The following XPO4 variants were observed in gnomAD, a reference collection of about 807,000 sequenced individuals.
XPO4 encodes the protein exportin-4.
In XPO4, 39 loss-of-function variants were observed where a neutral mutation model predicts 143.0. The ratio of observed to expected loss-of-function variants is 0.27; its 90% CI spans 0.21 to 0.36. The LOEUF (loss-of-function observed/expected upper bound fraction) is 0.36. XPO4 is among the 10% of genes least tolerant of loss of function. The pLI is 1.00. For synonymous variants in XPO4, 439 were observed against 474.0 expected (o/e 0.93, Z 0.96); for missense variants, 907 against 1,348.0 (o/e 0.67, Z 5.12).
chr13:20,888,235 G>C (rs1237380184), intron 1 of XPO4, among the ~76,000 whole-genome samples: 3 of 149,498 alleles, frequency 2.0e-5, no homozygotes, highest in East Asian at 3.9e-4. Flanking sequence ...TGATATGGAA[G>C]AGAGAGGCAA....
intron 1 of XPO4, among the ~76,000 whole-genome samples, chr13:20,874,627 G>A (rs533887398): frequency 3.3e-5 from 5 of 152,144 alleles, no homozygotes; most frequent in South Asian, 2.1e-4. Flanking sequence ...AGGATAACAC[G>A]GCTAGAAGGC....
chr13:20,800,062 C>A, intron 15 of XPO4, 94 bp downstream of exon 15: 1 of 1,407,708 alleles, frequency 7.1e-7, no homozygotes, highest in Non-Finnish European at 9.6e-7. Context: ...GACCGTGTAA[C>A]CATTTGCCAG....
At chr13:20,869,564 A>C (rs1440303994) in intron 1 of XPO4, 1 of 871,748 alleles carries the variant, frequency 1.1e-6, no homozygotes, top group Non-Finnish European at 1.4e-6. Context: ...AATCTAGATG[A>C]TGAAAAATGT....
chr13:20,809,722 A>C, intron 10 of XPO4, 69 bp downstream of exon 10: 1 of 1,464,802 alleles, frequency 6.8e-7, no homozygotes, highest in South Asian at 1.6e-5. Context: ...GCATTATATA[A>C]TGTGTAACAT....
chr13:20,788,695 A>G, intron 19 of XPO4, 79 bp from the exon 20 acceptor site: 1 of 1,302,670 alleles, frequency 7.7e-7, no homozygotes, highest in South Asian at 1.6e-5. Context: ...AAATAAAGTA[A>G]CTGACAAGCT....
rs1297648343 is a variant in XPO4, at chr13:20,803,709, T to A, written c.1818-2719A>T. Among the ~76,000 whole-genome samples, 1 of 151,780 alleles carries A rather than the reference T, an allele frequency of 6.6e-6. No homozygotes were observed. The highest frequency in any genetic ancestry group is 1.9e-4 in the East Asian group (1 of 5,172). ...CAACCTCCCTGCCTCTCCACCCTCA[T>A]CCCCCCACCAAAGCTATCGCCCTGC... On this transcript the variant is annotated intron_variant, in intron 13 of 22. Transcript: ENST00000255305. This position sits in a 1 kb window ranked among gnomAD's most constrained non-coding sequence, Gnocchi z 4.1.
intron 1 of XPO4, among the ~76,000 whole-genome samples, chr13:20,899,362 A>G (rs2060598549): frequency 6.6e-6 from 1 of 151,490 alleles, no homozygotes; most frequent in African/African-American, 2.4e-5. Context: ...AAAAAAAAAA[A>G]GAGTAAAGGT....
chr13:20,789,304 G>A (rs940176583), intron 19 of XPO4, among the ~76,000 whole-genome samples: 1 of 152,014 alleles, frequency 6.6e-6, no homozygotes, highest in African/African-American at 2.4e-5. Context: ...CAAGGAGGGG[G>A]AAGCACACGG....
intron 9 of XPO4, among the ~76,000 whole-genome samples, chr13:20,812,734 A>G (rs150517578): frequency 2.2e-4 from 34 of 152,328 alleles, no homozygotes; most frequent in African/African-American, 7.5e-4. Flanking sequence ...AGTTCTGACA[A>G]ATGTACCATG....
intron 19 of XPO4, among the ~76,000 whole-genome samples, chr13:20,788,900 G>C (rs960592450): frequency 6.6e-6 from 1 of 152,066 alleles, no homozygotes; most frequent in South Asian, 2.1e-4. Flanking sequence ...GTGTTTACCC[G>C]GAAAAAGTAA....
chr13:20,866,173 A>C (rs2060243243), intron 2 of XPO4: 1 of 985,276 alleles, frequency 1.0e-6, no homozygotes, highest in African/African-American at 1.7e-5. Context: ...AAGACTTCTG[A>C]AGTGAAGAAG....
chr13:20,887,943 G>C (rs1399317240), intron 1 of XPO4, among the ~76,000 whole-genome samples: 5 of 151,940 alleles, frequency 3.3e-5, no homozygotes, highest in Admixed American at 1.3e-4. Context: ...GGGAGGCTGA[G>C]ACAGGTGAAT....
intron 1 of XPO4, 160 bp downstream of exon 1, chr13:20,902,510 G>A (rs1294222001): frequency 5.1e-6 from 5 of 985,286 alleles, no homozygotes; most frequent in African/African-American, 3.5e-5. Flanking sequence ...AGGAAAGTAG[G>A]CTGAAGAATC....
intron 1 of XPO4, among the ~76,000 whole-genome samples, chr13:20,901,894 A>AACTG (rs1419971525): frequency 6.6e-6 from 1 of 152,252 alleles, no homozygotes; most frequent in Admixed American, 6.5e-5. Flanking sequence ...ACTGTTTACT[A>AACTG]ACTGAACGTA....
At chr13:20,859,992 G>A (rs1260511796) in intron 3 of XPO4, 2 of 275,704 alleles carry the variant, frequency 7.3e-6, no homozygotes, top group Non-Finnish European at 5.5e-6. Context: ...AAAAAGAACC[G>A]CTCTAGTTGA....
chr13:20,848,869 T>C lies in XPO4; in HGVS notation c.457-4983A>G, dbSNP rs142709248. 57 of 985,274 alleles carry C rather than the reference T, an allele frequency of 5.8e-5. No homozygotes were observed. In the African/African-American group the frequency reaches 9.2e-4, roughly 16 times the overall value. 61.0% of individuals were successfully genotyped at this position (985,274 alleles called of 1,614,324 possible). On this transcript the variant is annotated intron_variant, in intron 4 of 22. Transcript: ENST00000255305. Reference sequence around the variant, plus strand: ...AGACAATGCAATGAGGTGTCAAAGTTATAAAAAAAAGTCTAATTGTCTTCT... The same window carrying C: ...AGACAATGCAATGAGGTGTCAAAGTCATAAAAAAAAGTCTAATTGTCTTCT...
At chr13:20,813,331 T>G (rs1431561835) in intron 9 of XPO4, among the ~76,000 whole-genome samples, 1 of 152,098 alleles carries the variant, frequency 6.6e-6, no homozygotes, top group East Asian at 1.9e-4. Context: ...ATATATAGAC[T>G]TTCTACAAAT....
intron 1 of XPO4, 46 bp downstream of exon 1, chr13:20,902,624 C>T (rs2060632781): frequency 1.3e-6 from 2 of 1,510,396 alleles, no homozygotes; most frequent in African/African-American, 1.4e-5. Context: ...GCAGGGCCGA[C>T]CGGGGGCCCG....
intron 12 of XPO4, among the ~76,000 whole-genome samples, 171 bp downstream of exon 12, chr13:20,808,265 T>G (rs544255306): frequency 6.6e-6 from 1 of 152,348 alleles, no homozygotes; most frequent in East Asian, 1.9e-4. Context: ...ACTGCATACA[T>G]ATTAGCCAGT....
Sources: allele counts gnomAD v4.1 joint callset (sites outside exome capture counted in the v4.1 genomes callset), GRCh38; gene constraint gnomAD v4.1.1; non-coding constraint Gnocchi (gnomAD v3.1); transcripts MANE v1.5; gene names NCBI Gene and HGNC (gene_info 2026-07-23, HGNC 2026-07-21).